KCNT2: variants seen among roughly 807,000 people sequenced by gnomAD.
The protein encoded by KCNT2 is potassium channel subfamily T member 2.
A neutral mutation model predicts 153.8 loss-of-function variants in KCNT2; 67 were observed. That is an observed-to-expected ratio of 0.44 (90% confidence interval 0.36 to 0.53). The LOEUF is 0.53. Ranked by LOEUF, KCNT2 falls within the 20% of genes least tolerant of loss-of-function variation. The pLI is 0.00. For synonymous variants in KCNT2, 500 were observed against 458.8 expected, an observed-to-expected ratio of 1.09 and a Z score of -1.15; for missense variants, 975 against 1,354.8, an observed-to-expected ratio of 0.72 and a Z score of 4.40.
chr1:196,359,517 T>C (rs1235851618), intron 14 of KCNT2, among the ~76,000 whole-genome samples: 1 of 152,056 alleles, frequency 6.6e-6, no homozygotes, highest in Non-Finnish European at 1.5e-5. Context: ...GTGCATCTTA[T>C]TTCATTTATT....
chr1:196,291,548 T>C (rs536803723), intron 22 of KCNT2, among the ~76,000 whole-genome samples: 1 of 152,200 alleles, frequency 6.6e-6, no homozygotes, highest in Admixed American at 6.5e-5. Flanking sequence ...AAATAAAAAT[T>C]AGGGATGATT....
chr1:196,589,451 A>G (rs1438013407), intron 1 of KCNT2, among the ~76,000 whole-genome samples: 1 of 152,118 alleles, frequency 6.6e-6, no homozygotes, highest in Non-Finnish European at 1.5e-5. Flanking sequence ...AAATAATAAA[A>G]TTATTTGAAT....
intron 1 of KCNT2, among the ~76,000 whole-genome samples, chr1:196,573,126 A>G (rs1422918506): frequency 6.6e-6 from 1 of 152,106 alleles, no homozygotes. Flanking sequence ...ACAGAAATTT[A>G]GTGTATTATA....
intron 14 of KCNT2, among the ~76,000 whole-genome samples, chr1:196,350,935 T>C (rs1214784434): frequency 6.6e-6 from 1 of 152,196 alleles, no homozygotes; most frequent in Non-Finnish European, 1.5e-5. Flanking sequence ...TAGCCAGTTT[T>C]CCCAGCACCA....
At chr1:196,538,122 G>A (rs972588938) in intron 1 of KCNT2, among the ~76,000 whole-genome samples, 10 of 151,888 alleles carry the variant, frequency 6.6e-5, no homozygotes, top group Non-Finnish European at 1.0e-4. Flanking sequence ...AGTTAAAAAC[G>A]CCCATCCAAC....
chr1:196,308,586 C>A (rs1040065964), intron 21 of KCNT2, among the ~76,000 whole-genome samples: 2 of 151,936 alleles, frequency 1.3e-5, no homozygotes, highest in African/African-American at 4.8e-5. Flanking sequence ...TTGAAAGGGT[C>A]ACATCACCTC....
intron 1 of KCNT2, among the ~76,000 whole-genome samples, chr1:196,531,752 C>T (rs1156545146): frequency 6.6e-6 from 1 of 152,032 alleles, no homozygotes; most frequent in Admixed American, 6.6e-5. Flanking sequence ...AATCTCTAGT[C>T]AGTCTGTGCT....
chr1:196,578,475 A>G (rs1281754510), intron 1 of KCNT2, among the ~76,000 whole-genome samples: 2 of 152,180 alleles, frequency 1.3e-5, no homozygotes, highest in Non-Finnish European at 1.5e-5. Flanking sequence ...CTGACCTCAC[A>G]GAGCACTGGA....
intron 25 of KCNT2, among the ~76,000 whole-genome samples, chr1:196,278,008 G>C (rs1658739594): frequency 6.6e-6 from 1 of 152,000 alleles, no homozygotes; most frequent in Non-Finnish European, 1.5e-5. Context: ...TATGAGCAAA[G>C]ATAGATATTA....
At chr1:196,565,986 A>G (rs1202673462) in intron 1 of KCNT2, among the ~76,000 whole-genome samples, 2 of 151,970 alleles carry the variant, frequency 1.3e-5, no homozygotes, top group African/African-American at 4.8e-5. Context: ...CACTATAAAA[A>G]TAAGTATCTG....
At chr1:196,411,130 T>C (rs1229517905) in intron 12 of KCNT2, among the ~76,000 whole-genome samples, 2 of 136,720 alleles carry the variant, frequency 1.5e-5, no homozygotes, top group Admixed American at 7.7e-5. Context: ...TCCTCCCTTC[T>C]TTCCTACCTC....
At chr1:196,272,137 T>C (rs1658121338) in intron 25 of KCNT2, among the ~76,000 whole-genome samples, 1 of 151,954 alleles carries the variant, frequency 6.6e-6, no homozygotes, top group Non-Finnish European at 1.5e-5. Flanking sequence ...CTCAGATCAT[T>C]GTGTTCCAAG....
At chr1:196,567,678 T>G (rs1660273710) in intron 1 of KCNT2, among the ~76,000 whole-genome samples, 1 of 152,132 alleles carries the variant, frequency 6.6e-6, no homozygotes, top group African/African-American at 2.4e-5. Flanking sequence ...TTCTGTCACA[T>G]CCCTGAAGTG....
chr1:196,523,153 G>A (rs1653701403), intron 1 of KCNT2, among the ~76,000 whole-genome samples: 1 of 151,994 alleles, frequency 6.6e-6, no homozygotes, highest in South Asian at 2.1e-4. Flanking sequence ...AAACAACTCT[G>A]GACGCACCAC....
At chr1:196,313,492 C>G (rs1558132734) in intron 21 of KCNT2, among the ~76,000 whole-genome samples, 1 of 151,460 alleles carries the variant, frequency 6.6e-6, no homozygotes, top group Non-Finnish European at 1.5e-5. Flanking sequence ...GAAGAGTGAT[C>G]TGGAGGATGA....
intron 25 of KCNT2, among the ~76,000 whole-genome samples, chr1:196,273,875 G>T (rs1293708397): frequency 6.6e-6 from 1 of 151,446 alleles, no homozygotes; most frequent in Non-Finnish European, 1.5e-5. Flanking sequence ...CACTATAAAT[G>T]ATATTGGTAC....
chr1:196,404,319 T>C (rs1671659423), intron 12 of KCNT2, among the ~76,000 whole-genome samples: 2 of 151,772 alleles, frequency 1.3e-5, no homozygotes, highest in South Asian at 4.1e-4. Context: ...ACTAATTCTG[T>C]AATCTTATCA....
At chr1:196,374,485 A>T (rs1216587239) in intron 13 of KCNT2, among the ~76,000 whole-genome samples, 1 of 151,744 alleles carries the variant, frequency 6.6e-6, no homozygotes, top group Non-Finnish European at 1.5e-5. Context: ...ATATGTCAGG[A>T]TTTACTCAAA....
chr1:196,504,235 TC>T (rs1170145944), intron 1 of KCNT2, among the ~76,000 whole-genome samples: 1 of 56,730 alleles, frequency 1.8e-5, no homozygotes, highest in African/African-American at 6.5e-5. Context: ...CCCTCCCCCC[TC>T]CCCCCATCCC....
Sources: gnomAD v4.1 joint callset for allele counts (sites outside exome capture counted in the v4.1 genomes callset) on GRCh38, gnomAD v4.1.1 for gene constraint, MANE v1.5 for transcripts, NCBI Gene and HGNC (gene_info 2026-07-23, HGNC 2026-07-21) for gene names.